TRDN: variants seen among roughly 807,000 people sequenced by gnomAD.
The protein encoded by TRDN is triadin in skeletal muscle.
Under a neutral mutation model 149.7 loss-of-function variants are expected in TRDN, and 161 were observed. The ratio of observed to expected loss-of-function variants is 1.08; its 90% CI spans 0.95 to 1.23. The LOEUF (loss-of-function observed/expected upper bound fraction) is 1.23, where lower values mean the gene tolerates loss of function less well. Ranked by LOEUF, TRDN falls within the 50% of genes most tolerant of loss-of-function variation. TRDN has a pLI of 0.00. For missense variants in TRDN, 896 were observed against 823.5 expected (o/e 1.09, Z -1.08); for synonymous variants, 294 against 250.5 (o/e 1.17, Z -1.64).
chr6:123,366,095 A>G, intron 20 of TRDN, 40 bp downstream of exon 20: 4 of 1,543,490 alleles, frequency 2.6e-6, no homozygotes, highest in Non-Finnish European at 3.6e-6. Context: ...AGCAGAAATA[A>G]CTTATAGTTA....
chr6:123,371,928 TATATA>T lies in TRDN; in HGVS notation c.1273+3672_1273+3676del, dbSNP rs1781342138. 2.0e-5 allele frequency among the ~76,000 whole-genome samples: 3 copies of T among 152,136 alleles called. No individual in the cohort carries two copies. In the South Asian group the frequency reaches 6.2e-4, roughly 31 times the overall value. On this transcript the variant is annotated intron_variant, in intron 19 of 40. Coordinates refer to ENST00000334268, the MANE Select transcript of TRDN (RefSeq NM_006073.4). The stretch of plus-strand genomic sequence containing the variant: ...CACCAGCTGTGATACTATTAGTAAT[TATATA>T]ATATATTATACAAAATCGAGCAAGT...
At chr6:123,457,556 C>T (rs1195705383) in intron 10 of TRDN, 2 of 438,752 alleles carry the variant, frequency 4.6e-6, no homozygotes, top group Non-Finnish European at 9.1e-6. Context: ...TTTCCCTTTT[C>T]ATTTTCCTTT....
intron 1 of TRDN, among the ~76,000 whole-genome samples, chr6:123,624,795 G>A (rs574427502): frequency 3.0e-4 from 46 of 152,228 alleles, no homozygotes; most frequent in South Asian, 1.2e-3. Context: ...TCAAAGTAGC[G>A]TATGTGGGGA....
chr6:123,265,475 G>A (rs1776910965), intron 32 of TRDN, 137 bp from the exon 33 acceptor site: 1 of 516,560 alleles, frequency 1.9e-6, no homozygotes, highest in Non-Finnish European at 3.3e-6. Flanking sequence ...ATGAACAGTA[G>A]GAAATGTGTT....
intron 24 of TRDN, among the ~76,000 whole-genome samples, chr6:123,314,439 G>A (rs868297201): frequency 5.9e-5 from 9 of 152,064 alleles, no homozygotes; most frequent in African/African-American, 9.6e-5. Flanking sequence ...ACAGTGTGGC[G>A]ATTCATCAAA....
chr6:123,512,834 G>A (rs773219170), intron 6 of TRDN, among the ~76,000 whole-genome samples: 6 of 152,060 alleles, frequency 3.9e-5, no homozygotes, highest in Non-Finnish European at 5.9e-5. Context: ...AGTAAAATAT[G>A]AGATTTAATT....
intron 1 of TRDN, among the ~76,000 whole-genome samples, chr6:123,636,433 G>A (rs980450210): frequency 2.0e-5 from 3 of 151,918 alleles, no homozygotes; most frequent in Admixed American, 6.6e-5. Context: ...ATTTTTGCTG[G>A]ATAAGATATC....
intron 9 of TRDN, among the ~76,000 whole-genome samples, chr6:123,491,639 A>T (rs1176711276): frequency 6.6e-6 from 1 of 152,192 alleles, no homozygotes; most frequent in Non-Finnish European, 1.5e-5. Flanking sequence ...TCTTCATTGT[A>T]TACTTATCAA....
chr6:123,490,146 A>G (rs1490528025), intron 9 of TRDN, among the ~76,000 whole-genome samples: 1 of 152,208 alleles, frequency 6.6e-6, no homozygotes, highest in African/African-American at 2.4e-5. Flanking sequence ...ATTTTCTTAA[A>G]CTATAGAATC....
intron 22 of TRDN, among the ~76,000 whole-genome samples, chr6:123,334,687 A>G (rs1271712385): frequency 6.6e-6 from 1 of 152,006 alleles, no homozygotes. Flanking sequence ...AGTTGGCAAG[A>G]CATATCATTC....
chr6:123,355,231 C>T (rs980871226), intron 20 of TRDN, among the ~76,000 whole-genome samples: 3 of 151,564 alleles, frequency 2.0e-5, no homozygotes, highest in East Asian at 1.9e-4. Context: ...CTTCCACTTA[C>T]ATTTTTTTCT....
intron 4 of TRDN, among the ~76,000 whole-genome samples, chr6:123,542,729 G>A (rs1382737497): frequency 6.6e-6 from 1 of 151,932 alleles, no homozygotes; most frequent in Non-Finnish European, 1.5e-5. Context: ...AACATAAATA[G>A]AGAAAAACAC....
intron 10 of TRDN, among the ~76,000 whole-genome samples, chr6:123,461,355 A>T (rs991439331): frequency 1.2e-4 from 19 of 152,302 alleles, no homozygotes; most frequent in Admixed American, 9.8e-4. Flanking sequence ...CTAGTTATAT[A>T]TTTATTCAAC....
At chr6:123,493,974 A>G (rs985695336) in intron 9 of TRDN, among the ~76,000 whole-genome samples, 10 of 152,204 alleles carry the variant, frequency 6.6e-5, no homozygotes, top group African/African-American at 2.2e-4. Context: ...CATATAGTTT[A>G]TTAAATGAAA....
At chr6:123,550,274 G>A (rs960054703) in intron 2 of TRDN, among the ~76,000 whole-genome samples, 4 of 152,128 alleles carry the variant, frequency 2.6e-5, no homozygotes, top group African/African-American at 9.6e-5. Context: ...AGATGACAGA[G>A]AGAGTGACAG....
chr6:123,402,773 T>C (rs547561497), intron 12 of TRDN, among the ~76,000 whole-genome samples: 1 of 151,914 alleles, frequency 6.6e-6, no homozygotes, highest in Non-Finnish European at 1.5e-5. Flanking sequence ...CAAATGTTAA[T>C]GGAAATGGAA....
At position 123,316,532 on chromosome 6, in the gene TRDN, A is replaced by G. The variant is rs779026389; in HGVS notation, c.1472-37T>C. On this transcript the variant is annotated intron_variant, in intron 23 of 40. Coordinates refer to ENST00000334268, the MANE Select transcript of TRDN (RefSeq NM_006073.4). ...CGTACACATAAACACGTACAAACAAAAGGGAAAAAAATAACATTTGAAAAA... is the reference window on the plus strand; with the variant it reads ...CGTACACATAAACACGTACAAACAAGAGGGAAAAAAATAACATTTGAAAAA... The G allele has an allele frequency of 1.3e-5, 20 of 1,591,288 alleles. No individual in the cohort carries two copies. The East Asian group carries it at 4.3e-4, about 34-fold the overall frequency.
intron 7 of TRDN, among the ~76,000 whole-genome samples, chr6:123,505,023 G>A (rs1481361419): frequency 2.0e-5 from 3 of 151,890 alleles, no homozygotes; most frequent in Non-Finnish European, 4.4e-5. Flanking sequence ...AGGCGGGCGG[G>A]TCATGAGGTC....
chr6:123,313,112 A>G (rs1257151296), intron 24 of TRDN, among the ~76,000 whole-genome samples: 1 of 151,928 alleles, frequency 6.6e-6, no homozygotes, highest in Non-Finnish European at 1.5e-5. Flanking sequence ...AGATTCTTGT[A>G]TTGTGTTTTT....
Sources: gnomAD v4.1 joint callset for allele counts (sites outside exome capture counted in the v4.1 genomes callset) on GRCh38, gnomAD v4.1.1 for gene constraint, MANE v1.5 for transcripts, NCBI Gene and HGNC (gene_info 2026-07-23, HGNC 2026-07-21) for gene names.